The following FAT3 variants were observed in gnomAD, a reference collection of about 807,000 sequenced individuals.
FAT3 encodes the protein protocadherin Fat 3.
FAT3 carries 95 observed loss-of-function variants against 310.2 expected under a neutral mutation model. The observed-to-expected ratio is 0.31, with a 90% CI of 0.26 to 0.36. The LOEUF (loss-of-function observed/expected upper bound fraction) is 0.36, where lower values mean the gene tolerates loss of function less well. Ranked by LOEUF, FAT3 falls within the 10% of genes least tolerant of loss-of-function variation. The pLI, the probability that FAT3 is intolerant of heterozygous loss-of-function variation, is 1.00. For missense variants in FAT3, 5,408 were observed against 5,715.6 expected, an observed-to-expected ratio of 0.95 and a Z score of 1.74; for synonymous variants, 2,314 against 2,192.9, an observed-to-expected ratio of 1.06 and a Z score of -1.54.
At chr11:92,442,099 ATATATATATATATT>A (rs1951081328) in intron 2 of FAT3, among the ~76,000 whole-genome samples, 1 of 42,642 alleles carries the variant, frequency 2.3e-5, no homozygotes, top group Non-Finnish European at 4.1e-5. Flanking sequence ...ATATATATAT[ATATATATATATATT>A]TTTTTTTTTT....
chr11:92,284,553 G>T lies in FAT3; in HGVS notation c.-18+59379G>T, dbSNP rs1430226488. Among the ~76,000 whole-genome samples, 3 of 152,236 alleles carry T rather than the reference G, an allele frequency of 2.0e-5. No homozygotes were observed. The East Asian group carries it at 5.8e-4, about 30-fold the overall frequency. ...GGACTCAGCAGGATTAGGGTGGGAAGATAGTCAGGGCTCTTGAAATGGGCC... is the reference window on the plus strand; with the variant it reads ...GGACTCAGCAGGATTAGGGTGGGAATATAGTCAGGGCTCTTGAAATGGGCC... On this transcript the variant is annotated intron_variant, in intron 1 of 27. Coordinates refer to ENST00000525166, the MANE Select transcript of FAT3 (RefSeq NM_001367949.2).
chr11:92,572,585 A>G (rs1235624446), intron 3 of FAT3, among the ~76,000 whole-genome samples: 1 of 152,208 alleles, frequency 6.6e-6, no homozygotes, highest in Non-Finnish European at 1.5e-5. Flanking sequence ...GCAATGCATT[A>G]TTATAATCAC....
intron 4 of FAT3, among the ~76,000 whole-genome samples, chr11:92,752,327 G>A (rs1002069425): frequency 2.6e-5 from 4 of 152,232 alleles, no homozygotes; most frequent in Admixed American, 6.5e-5. Context: ...AGAATAGTGT[G>A]ACCTTTGACT....
chr11:92,500,575 C>T (rs1952909029), intron 2 of FAT3, among the ~76,000 whole-genome samples: 1 of 152,002 alleles, frequency 6.6e-6, no homozygotes, highest in African/African-American at 2.4e-5. Context: ...CTGGAAACAT[C>T]CTTCTTGGAA....
At position 92,507,508 on chromosome 11, in the gene FAT3, C is replaced by CAT. The variant is rs546858070; in HGVS notation, c.3293-17118_3293-17117dup. The stretch of plus-strand genomic sequence containing the variant: ...GTGTATATACACACATATATGTACA[C>CAT]ATATATATACACATGTATATATACA... On this transcript the variant is annotated intron_variant, in intron 2 of 27. Transcript: ENST00000525166. 1.7e-3 allele frequency among the ~76,000 whole-genome samples: 256 copies of CAT among 151,548 alleles called. 1 individual carries two copies. Among genetic ancestry groups the CAT allele is most frequent in the African/African-American group, 5.9e-3 (244 of 41,302 alleles).
chr11:92,726,197 TATGACA>T (rs1307900658), intron 4 of FAT3, among the ~76,000 whole-genome samples: 3 of 152,174 alleles, frequency 2.0e-5, no homozygotes, highest in Non-Finnish European at 2.9e-5. Flanking sequence ...GTTTAATAGC[TATGACA>T]ATTTCTAGAA....
intron 3 of FAT3, among the ~76,000 whole-genome samples, chr11:92,657,311 A>G (rs1942618541): frequency 6.6e-6 from 1 of 152,210 alleles, no homozygotes; most frequent in African/African-American, 2.4e-5. Context: ...ATTTTGCTGA[A>G]CAAAGATAAT....
chr11:92,290,116 C>G (rs1306645970), intron 1 of FAT3, among the ~76,000 whole-genome samples: 1 of 152,098 alleles, frequency 6.6e-6, no homozygotes, highest in East Asian at 1.9e-4. Flanking sequence ...TGGCTCACTC[C>G]CTTACCTTCT....
At chr11:92,735,233 C>T (rs1945306428) in intron 4 of FAT3, among the ~76,000 whole-genome samples, 3 of 152,118 alleles carry the variant, frequency 2.0e-5, no homozygotes, top group East Asian at 1.9e-4. Flanking sequence ...CATTAACACT[C>T]TCAGGTCACT....
At chr11:92,745,367 A>T (rs1945628234) in intron 4 of FAT3, among the ~76,000 whole-genome samples, 1 of 152,196 alleles carries the variant, frequency 6.6e-6, no homozygotes, top group South Asian at 2.1e-4. Context: ...CCCACATGTG[A>T]GCACATAGAT....
rs189379384 is a variant in FAT3 at position 92,559,505 on chromosome 11, C to T, written c.3607+34557C>T. 1.9e-5 allele frequency: 7 copies of T among 366,438 alleles called. No individual in the cohort carries two copies. In the East Asian group the frequency reaches 4.2e-4, roughly 22 times the overall value. The allele number at this position is 366,438 out of a possible 1,614,324, so 22.7% of individuals were successfully genotyped here. On this transcript the variant is annotated intron_variant, in intron 3 of 27. Coordinates refer to ENST00000525166, the MANE Select transcript of FAT3 (RefSeq NM_001367949.2). ...ATTCAAGGGATACCCCTGCCTCAGC[C>T]TCTTGAGTAGCTGGGACTATAGGCA... is the stretch of plus-strand genomic sequence containing the variant.
chr11:92,299,004 A>G (rs990161197), intron 1 of FAT3, among the ~76,000 whole-genome samples: 1 of 152,026 alleles, frequency 6.6e-6, no homozygotes, highest in Non-Finnish European at 1.5e-5. Context: ...AAAACATTTC[A>G]TCTGTTGCAA....
chr11:92,383,848 TGA>T (rs1430930052), intron 2 of FAT3, among the ~76,000 whole-genome samples: 1 of 150,716 alleles, frequency 6.6e-6, no homozygotes, highest in East Asian at 1.9e-4. Context: ...TTAAAAAGAG[TGA>T]GAGAGAGAGA....
chr11:92,291,610 A>T (rs143112809), intron 1 of FAT3, among the ~76,000 whole-genome samples: 1 of 150,708 alleles, frequency 6.6e-6, no homozygotes, highest in Non-Finnish European at 1.5e-5. Context: ...CTAAATACAC[A>T]TTGTATTCTA....
chr11:92,743,977 GCCTCT>G (rs1344278355), intron 4 of FAT3, among the ~76,000 whole-genome samples: 2 of 152,126 alleles, frequency 1.3e-5, no homozygotes, highest in Non-Finnish European at 2.9e-5. Flanking sequence ...GGACTTCTCA[GCCTCT>G]ATAACTGTAA....
intron 2 of FAT3, among the ~76,000 whole-genome samples, chr11:92,442,136 T>C (rs12797230): frequency 1.5e-5 from 2 of 135,180 alleles, no homozygotes; most frequent in African/African-American, 2.9e-5. Context: ...TTTTTTGAGA[T>C]GGAGTCTCTC....
intron 3 of FAT3, among the ~76,000 whole-genome samples, chr11:92,558,513 T>C (rs664938): frequency 0.39 from 59,280 of 151,834 alleles, 12,291 homozygotes; most frequent in Middle Eastern, 0.52. Flanking sequence ...CTGTCCAATT[T>C]ATCTCTGGCA....
chr11:92,579,807 C>T (rs1245051143), intron 3 of FAT3, among the ~76,000 whole-genome samples: 3 of 152,098 alleles, frequency 2.0e-5, no homozygotes, highest in Non-Finnish European at 2.9e-5. Context: ...GGATTAGCCA[C>T]ACTGTAGCAC....
rs141141030 is a variant in FAT3, at chr11:92,490,643, G to A, written c.3293-33991G>A. 2.6e-3 allele frequency among the ~76,000 whole-genome samples: 391 copies of A among 151,364 alleles called. 1 individual carries two copies. The highest frequency in any genetic ancestry group is 8.9e-3 in the African/African-American group (366 of 41,334). ...AATCATCCTCCCAAAGATTTTTTTT[G>A]AATTTCTTTGGATGTTGCATTGAAG... On this transcript the variant is annotated intron_variant, in intron 2 of 27. Coordinates refer to ENST00000525166, the MANE Select transcript of FAT3 (RefSeq NM_001367949.2).
Sources: gnomAD v4.1 joint callset for allele counts (sites outside exome capture counted in the v4.1 genomes callset) on GRCh38, gnomAD v4.1.1 for gene constraint, MANE v1.5 for transcripts, NCBI Gene and HGNC (gene_info 2026-07-23, HGNC 2026-07-21) for gene names.